Variants in GRIN2A observed in about 807,000 individuals in gnomAD.
GRIN2A encodes the protein glutamate ionotropic receptor NMDA type subunit 2A, also known as glutamate receptor ionotropic, NMDA 2A.
Under a neutral mutation model 113.4 loss-of-function variants are expected in GRIN2A, and 22 were observed. That is an observed-to-expected ratio of 0.19 (90% CI 0.14 to 0.28). The LOEUF (loss-of-function observed/expected upper bound fraction) is 0.28, where lower values mean the gene tolerates loss of function less well. Ranked by LOEUF, GRIN2A falls within the 10% of genes least tolerant of loss-of-function variation. The pLI, the probability that GRIN2A is intolerant of heterozygous loss-of-function variation, is 1.00. For missense variants in GRIN2A, 1,502 were observed against 1,887.0 expected (o/e 0.80, Z 3.78); for synonymous variants, 827 against 738.4 (o/e 1.12, Z -1.94).
chr16:10,002,483 C>T (rs17670627), intron 2 of GRIN2A, among the ~76,000 whole-genome samples: 12,457 of 152,098 alleles, frequency 0.082, 745 homozygotes, highest in Non-Finnish European at 0.11. Context: ...ACCGGTTTCA[C>T]GGATTAGGTG....
chr16:9,772,501 A>G (rs1451806785), intron 11 of GRIN2A, among the ~76,000 whole-genome samples: 1 of 152,128 alleles, frequency 6.6e-6, no homozygotes, highest in Non-Finnish European at 1.5e-5. Flanking sequence ...CCTCCGAAGT[A>G]GTTGGGACGA....
chr16:10,056,904 A>G (rs114230040), intron 2 of GRIN2A, among the ~76,000 whole-genome samples: 1,739 of 152,196 alleles, frequency 0.011, 36 homozygotes, highest in African/African-American at 0.039. Context: ...AGTTTGCAGG[A>G]CTTTGTTGAG....
At chr16:9,881,760 A>C (rs1322120596) in intron 4 of GRIN2A, among the ~76,000 whole-genome samples, 3 of 152,218 alleles carry the variant, frequency 2.0e-5, no homozygotes, top group Non-Finnish European at 2.9e-5. Flanking sequence ...GCCAGAATTC[A>C]TGGCTTTACC....
chr16:9,891,729 T>C (rs145050466), intron 3 of GRIN2A, among the ~76,000 whole-genome samples: 50 of 152,242 alleles, frequency 3.3e-4, no homozygotes, highest in African/African-American at 1.2e-3. Flanking sequence ...AAGGCTCAAT[T>C]GGCATTAACT....
At chr16:9,863,962 C>G (rs1476308041) in intron 4 of GRIN2A, among the ~76,000 whole-genome samples, 1 of 152,130 alleles carries the variant, frequency 6.6e-6, no homozygotes. Context: ...ATCACAGAAA[C>G]AGGAATTGGG....
chr16:10,131,890 C>A (rs1459506157), intron 2 of GRIN2A, among the ~76,000 whole-genome samples: 1 of 152,140 alleles, frequency 6.6e-6, no homozygotes, highest in Non-Finnish European at 1.5e-5. Flanking sequence ...GTTATTATTA[C>A]TACTACTGTT....
chr16:10,115,680 G>C (rs543126341), intron 2 of GRIN2A, among the ~76,000 whole-genome samples: 12 of 152,172 alleles, frequency 7.9e-5, no homozygotes. Context: ...CTTGGCTTCC[G>C]CAACTGTATT....
intron 2 of GRIN2A, among the ~76,000 whole-genome samples, chr16:9,955,019 T>C (rs2045273116): frequency 6.6e-6 from 1 of 152,240 alleles, no homozygotes; most frequent in African/African-American, 2.4e-5. Flanking sequence ...TTCTACAGAC[T>C]GTCTGAAGTT....
intron 2 of GRIN2A, among the ~76,000 whole-genome samples, chr16:10,007,702 G>A (rs1412061995): frequency 6.6e-6 from 1 of 152,010 alleles, no homozygotes; most frequent in African/African-American, 2.4e-5. Flanking sequence ...AATTTAGGGG[G>A]CTAAAAGTTC....
chr16:9,851,497 A>G (rs1026474163), intron 4 of GRIN2A, among the ~76,000 whole-genome samples: 1 of 152,242 alleles, frequency 6.6e-6, no homozygotes, highest in African/African-American at 2.4e-5. Context: ...GCCTTCTTGG[A>G]ACTGTCAGTC....
intron 1 of GRIN2A, among the ~76,000 whole-genome samples, chr16:10,181,130 T>C (rs998907591): frequency 2.4e-5 from 1 of 41,740 alleles, no homozygotes; most frequent in African/African-American, 7.9e-5. Context: ...AACTTGGGGC[T>C]CGCCCCACCT....
At chr16:9,798,646 C>G (rs1460520320) in intron 10 of GRIN2A, among the ~76,000 whole-genome samples, 182 bp from the exon 11 acceptor site, 1 of 152,176 alleles carries the variant, frequency 6.6e-6, no homozygotes, top group Admixed American at 6.5e-5. Context: ...AAAGCCAGAA[C>G]CTTTTCTCTC....
intron 2 of GRIN2A, among the ~76,000 whole-genome samples, chr16:9,988,989 G>A (rs939785464): frequency 6.6e-6 from 1 of 152,212 alleles, no homozygotes; most frequent in African/African-American, 2.4e-5. Context: ...AGGAAACAAT[G>A]TTGAATCTTG....
intron 2 of GRIN2A, among the ~76,000 whole-genome samples, chr16:9,967,372 T>C (rs1219995134): frequency 6.6e-6 from 1 of 152,228 alleles, no homozygotes; most frequent in South Asian, 2.1e-4. Context: ...TGTTCTCACT[T>C]ATAAGTGGGA....
intron 2 of GRIN2A, among the ~76,000 whole-genome samples, chr16:10,138,320 T>C (rs570379216): frequency 1.3e-4 from 20 of 152,270 alleles, no homozygotes; most frequent in African/African-American, 3.6e-4. Flanking sequence ...TGAGACTGGG[T>C]AATTTATAAG....
chr16:10,072,155 G>A (rs893293437), intron 2 of GRIN2A, among the ~76,000 whole-genome samples: 1 of 152,214 alleles, frequency 6.6e-6, no homozygotes, highest in Non-Finnish European at 1.5e-5. Context: ...TCGTGAGAGT[G>A]AGCAAAGATG....
intron 7 of GRIN2A, among the ~76,000 whole-genome samples, chr16:9,839,344 C>G (rs1409419003): frequency 1.3e-5 from 2 of 151,494 alleles, no homozygotes; most frequent in African/African-American, 4.9e-5. Flanking sequence ...TAGAGAAAAG[C>G]AGATGATAGA....
chr16:9,781,151 A>C (rs1325024091), intron 11 of GRIN2A, among the ~76,000 whole-genome samples: 1 of 152,124 alleles, frequency 6.6e-6, no homozygotes, highest in Non-Finnish European at 1.5e-5. Flanking sequence ...TTCCAGTAAA[A>C]CTTTATAAAA....
intron 2 of GRIN2A, among the ~76,000 whole-genome samples, chr16:10,154,701 G>T (rs770367175): frequency 6.6e-6 from 1 of 152,240 alleles, no homozygotes; most frequent in Non-Finnish European, 1.5e-5. Context: ...GTATAGGAAC[G>T]GCACCTAATC....
Sources: allele counts gnomAD v4.1 joint callset (sites outside exome capture counted in the v4.1 genomes callset), GRCh38; gene constraint gnomAD v4.1.1; transcripts MANE v1.5; gene names NCBI Gene and HGNC (gene_info 2026-07-23, HGNC 2026-07-21).